The following JAKMIP3 variants were observed in gnomAD, a reference collection of about 807,000 sequenced individuals.
JAKMIP3 encodes Janus kinase and microtubule interacting protein 3, also known as janus kinase and microtubule-interacting protein 3.
Under a neutral mutation model 118.5 loss-of-function variants are expected in JAKMIP3, and 58 were observed. The observed-to-expected ratio is 0.49, with a 90% CI of 0.40 to 0.61. The LOEUF (loss-of-function observed/expected upper bound fraction) is 0.61, where lower values mean the gene tolerates loss of function less well. Ranked by LOEUF, JAKMIP3 falls within the 20% of genes least tolerant of loss-of-function variation. The pLI is 0.00. For synonymous variants in JAKMIP3, 486 were observed against 451.2 expected, an observed-to-expected ratio of 1.08 and a Z score of -0.98; for missense variants, 950 against 1,109.0, an observed-to-expected ratio of 0.86 and a Z score of 2.04.
intron 1 of JAKMIP3, among the ~76,000 whole-genome samples, chr10:132,038,221 GA>G (rs959375302): frequency 2.0e-4 from 31 of 152,268 alleles, no homozygotes; most frequent in Admixed American, 2.6e-4. Context: ...TTTTGAAAGG[GA>G]AAGATGAAGA....
chr10:132,152,832 AG>A (rs2056445875), intron 16 of JAKMIP3, 125 bp from the exon 17 acceptor site: 1 of 678,876 alleles, frequency 1.5e-6, no homozygotes, highest in Non-Finnish European at 2.6e-6. Flanking sequence ...AGCACTTTTT[AG>A]CTCTGGCCCC....
chr10:132,046,673 A>C (rs1438150890), intron 1 of JAKMIP3, among the ~76,000 whole-genome samples: 1 of 152,194 alleles, frequency 6.6e-6, no homozygotes, highest in Non-Finnish European at 1.5e-5. Flanking sequence ...AAGTTTTAAA[A>C]TAATTTTAGA....
chr10:132,042,330 A>G (rs1470576283), intron 1 of JAKMIP3, among the ~76,000 whole-genome samples: 1 of 149,424 alleles, frequency 6.7e-6, no homozygotes. Context: ...TCACACTTCA[A>G]CCTCCTGATT....
intron 1 of JAKMIP3, among the ~76,000 whole-genome samples, chr10:132,067,530 G>A (rs183437800): frequency 1.3e-5 from 2 of 152,364 alleles, no homozygotes; most frequent in Admixed American, 1.3e-4. Context: ...ATTTTGGATC[G>A]AGCTCCTCCA....
chr10:132,051,436 C>T (rs1002232049), intron 1 of JAKMIP3, among the ~76,000 whole-genome samples: 2 of 151,924 alleles, frequency 1.3e-5, no homozygotes, highest in African/African-American at 4.8e-5. Context: ...TGGGGGGGTA[C>T]CTGCCTGTCT....
intron 1 of JAKMIP3, among the ~76,000 whole-genome samples, chr10:132,041,875 T>C (rs1298172185): frequency 4.6e-5 from 7 of 152,082 alleles, no homozygotes; most frequent in East Asian, 1.9e-4. Flanking sequence ...TTTTCTTTTT[T>C]TTTTCTTTGA....
intron 1 of JAKMIP3, among the ~76,000 whole-genome samples, chr10:132,043,647 T>G (rs965621908): frequency 2.0e-5 from 3 of 152,036 alleles, no homozygotes; most frequent in Non-Finnish European, 4.4e-5. Flanking sequence ...AATGTGGGGG[T>G]CCAGGAGCCC....
At chr10:132,163,141 G>A (rs138786480) in intron 19 of JAKMIP3, 68 bp from the exon 20 acceptor site, 26 of 1,454,634 alleles carry the variant, frequency 1.8e-5, no homozygotes, top group African/African-American at 8.4e-5. Flanking sequence ...CCCGGCCTCC[G>A]TTGCCCTTCC....
chr10:132,167,667 C>T (rs1029601781), intron 22 of JAKMIP3, among the ~76,000 whole-genome samples: 4 of 152,182 alleles, frequency 2.6e-5, no homozygotes, highest in Non-Finnish European at 4.4e-5. Flanking sequence ...AGTCTGCACC[C>T]TTCAGCAGGT....
At chr10:132,072,827 G>T (rs551553268) in intron 1 of JAKMIP3, among the ~76,000 whole-genome samples, 6 of 151,936 alleles carry the variant, frequency 3.9e-5, no homozygotes, top group African/African-American at 1.4e-4. Context: ...GTACAGTGGC[G>T]ACGGCTGGGC....
At position 132,180,780 on chromosome 10, in the gene JAKMIP3, T is replaced by TGC. The variant is rs1428075319; in HGVS notation, c.*1104-1576_*1104-1575insCG. Among the ~76,000 whole-genome samples, 41 of 60,904 alleles carry TGC rather than the reference T, an allele frequency of 6.7e-4. 6 individuals carry two copies. Among genetic ancestry groups the TGC allele is most frequent in the African/African-American group, 2.8e-3 (39 of 13,768 alleles). The allele number at this position is 60,904 out of a possible 152,430, so 40.0% of individuals were successfully genotyped here. ...GTGTGCGTGTGTGTGCGTGTGTGTG[T>TGC]GTGCGCGTATGCATGTGCTGTGAGT... On this transcript the variant is annotated intron_variant, in intron 23 of 23. Coordinates refer to ENST00000684848, the MANE Select transcript of JAKMIP3 (RefSeq NM_001323087.2).
At position 132,149,511 on chromosome 10, in the gene JAKMIP3, G is replaced by T; in HGVS notation, c.1947+1G>T. Reference sequence around the variant, plus strand: ...GTACTGCGAGGCCGAAGGTGTGACGGTGAGTCCCGCCCCTCCTGCCCACTC... The same window carrying T: ...GTACTGCGAGGCCGAAGGTGTGACGTTGAGTCCCGCCCCTCCTGCCCACTC... On this transcript the variant is annotated splice_donor_variant, in intron 15 of 23. Coordinates refer to ENST00000684848, the MANE Select transcript of JAKMIP3 (RefSeq NM_001323087.2). LOFTEE classifies it high-confidence loss of function. The T allele has an allele frequency of 6.5e-7, 1 of 1,534,684 alleles. No homozygotes were observed. Among genetic ancestry groups the T allele is most frequent in the Non-Finnish European group, 8.8e-7 (1 of 1,140,132 alleles).
At chr10:132,128,730 CCTA>C (rs34273315) in intron 3 of JAKMIP3, among the ~76,000 whole-genome samples, 119,068 of 151,934 alleles carry the variant, frequency 0.78, 47,739 homozygotes, top group East Asian at 0.99. Context: ...GATTTGAGTG[CCTA>C]CTTCTTTTTT....
intron 1 of JAKMIP3, among the ~76,000 whole-genome samples, chr10:132,066,659 A>G (rs4880317): frequency 0.76 from 115,970 of 152,180 alleles, 44,919 homozygotes; most frequent in East Asian, 1. Context: ...ATCACACATC[A>G]CTCATTGATA....
rs1337386486 is a variant in JAKMIP3, at chr10:132,184,373, C to T, written c.*3120C>T. On this transcript the variant is annotated 3_prime_UTR_variant, in exon 24 of 24. Transcript: ENST00000684848. ...CCAAGTGTGGGTTTGGAGGCACTGA[C>T]GCATTCGCCAACTCACCGTCATCCC... The T allele has an allele frequency of 3.3e-5, 5 of 152,174 alleles. No homozygotes were observed. Among genetic ancestry groups the T allele is most frequent in the South Asian group, 2.1e-4 (1 of 4,830 alleles). 9.4% of individuals were successfully genotyped at this position (152,174 alleles called of 1,614,324 possible).
At chr10:132,058,195 G>A (rs968355816) in intron 1 of JAKMIP3, among the ~76,000 whole-genome samples, 5 of 152,216 alleles carry the variant, frequency 3.3e-5, no homozygotes, top group African/African-American at 9.7e-5. Context: ...CCATGGATTC[G>A]GCAGTGACTT....
intron 1 of JAKMIP3, among the ~76,000 whole-genome samples, chr10:132,080,987 A>C (rs1167090137): frequency 3.3e-5 from 5 of 152,060 alleles, no homozygotes; most frequent in African/African-American, 1.2e-4. Flanking sequence ...TTTTACTCTT[A>C]TTGCCTCTGC....
Position 132,055,438 on chromosome 10 carries a change from T to C in JAKMIP3, c.-138+18700T>C, listed in dbSNP as rs185372122. On this transcript the variant is annotated intron_variant, in intron 1 of 23. Transcript: ENST00000657785. Reference sequence around the variant, plus strand: ...AAGAGCACATGATTTGCGAATGGCATAAGAAAATTAAAATGCAACATCTTT... The same window carrying C: ...AAGAGCACATGATTTGCGAATGGCACAAGAAAATTAAAATGCAACATCTTT... Among the ~76,000 whole-genome samples, 3 of 152,272 alleles carry C rather than the reference T, an allele frequency of 2.0e-5. No individual in the cohort carries two copies. In the East Asian group the frequency reaches 5.8e-4, roughly 29 times the overall value.
At chr10:132,125,529 C>T (rs1351610793) in intron 3 of JAKMIP3, among the ~76,000 whole-genome samples, 1 of 152,250 alleles carries the variant, frequency 6.6e-6, no homozygotes, top group African/African-American at 2.4e-5. Flanking sequence ...TCTTTCCCTT[C>T]TTCAAGATTG....
Sources: gnomAD v4.1 joint callset for allele counts (sites outside exome capture counted in the v4.1 genomes callset) on GRCh38, gnomAD v4.1.1 for gene constraint, MANE v1.5 for transcripts, NCBI Gene and HGNC (gene_info 2026-07-23, HGNC 2026-07-21) for gene names.